Variants in AVEN observed in about 807,000 individuals in gnomAD.
AVEN encodes cell death regulator Aven.
A neutral mutation model predicts 38.1 loss-of-function variants in AVEN; 41 were observed. The observed-to-expected ratio is 1.08, with a 90% CI of 0.84 to 1.40. The LOEUF is 1.40. Among genes scored for constraint, AVEN ranks in the 40% most tolerant of loss-of-function variants. The probability of loss-of-function intolerance (pLI) is 0.00; values close to 1 mark genes in which losing one functional copy is unlikely to be tolerated. For synonymous variants in AVEN, 206 were observed against 171.8 expected, an observed-to-expected ratio of 1.20 and a Z score of -1.56; for missense variants, 605 against 438.8, an observed-to-expected ratio of 1.38 and a Z score of -3.38.
chr15:34,073,792 A>T lies in AVEN; in HGVS notation n.720+644T>A, dbSNP rs148062618. On this transcript the variant is annotated intron_variant and non_coding_transcript_variant, in intron 1 of 11. Transcript: ENST00000675287. ...CGCCTCGGCCTCCCAAAGTGTTGGG[A>T]TTACAGGCGTGAGTCACTGCACCTA... 2.8e-3 allele frequency among the ~76,000 whole-genome samples: 431 copies of T among 151,904 alleles called. 1 individual carries two copies. Among genetic ancestry groups the T allele is most frequent in the African/African-American group, 0.01 (421 of 41,458 alleles).
chr15:34,029,597 C>G (rs1030160104), intron 1 of AVEN, among the ~76,000 whole-genome samples: 2 of 150,552 alleles, frequency 1.3e-5, no homozygotes, highest in Non-Finnish European at 3.0e-5. Context: ...CATAGTACTA[C>G]TGACTTTAAA....
intron 2 of AVEN, among the ~76,000 whole-genome samples, chr15:33,882,091 T>C (rs1352862126): frequency 6.6e-6 from 1 of 152,252 alleles, no homozygotes; most frequent in Non-Finnish European, 1.5e-5. Flanking sequence ...GACAACTGTC[T>C]GACTTACAGA....
At chr15:33,852,865 C>T in the AVEN span, 1 of 571,974 alleles carries the variant, frequency 1.7e-6, no homozygotes, top group African/African-American at 1.9e-5. Context: ...GTAATGAAGC[C>T]ATACATGACT....
chr15:34,007,125 T>A, intron 1 of AVEN: 1 of 843,318 alleles, frequency 1.2e-6, no homozygotes, highest in Non-Finnish European at 1.4e-6. Flanking sequence ...ACCTATTATA[T>A]AATCAAACTA....
intron 1 of AVEN, among the ~76,000 whole-genome samples, chr15:34,026,452 T>C (rs1898476740): frequency 6.6e-6 from 1 of 152,148 alleles, no homozygotes; most frequent in African/African-American, 2.4e-5. Flanking sequence ...AGGGGAGATA[T>C]GTTGAGAAAG....
chr15:33,887,067 G>A (rs1012251412), intron 2 of AVEN, among the ~76,000 whole-genome samples: 1 of 152,200 alleles, frequency 6.6e-6, no homozygotes, highest in Non-Finnish European at 1.5e-5. Flanking sequence ...GAGCTATATT[G>A]TAAGTATAAG....
At chr15:33,877,280 C>T (rs1302376766) in intron 2 of AVEN, among the ~76,000 whole-genome samples, 11 of 152,056 alleles carry the variant, frequency 7.2e-5, no homozygotes, top group Admixed American at 4.6e-4. Flanking sequence ...AAAATATAAA[C>T]TAACACCATG....
In AVEN at chr15:33,905,853, C is replaced by T. The variant is rs146183914; in HGVS notation, c.446-29858G>A. The stretch of plus-strand genomic sequence containing the variant: ...AAAAAAAAAAAAAAAAGGTAAAATT[C>T]ACTCCCAGACACCCACCCAATTCAA... On this transcript the variant is annotated intron_variant, in intron 2 of 5. Transcript: ENST00000306730. Among the ~76,000 whole-genome samples, 151 of 151,138 alleles carry T rather than the reference C, an allele frequency of 1.0e-3. 3 individuals are homozygous for T. In the East Asian group the frequency reaches 0.028, roughly 28 times the overall value.
At chr15:33,922,376 CATT>C (rs772499687) in intron 2 of AVEN, among the ~76,000 whole-genome samples, 4 of 152,132 alleles carry the variant, frequency 2.6e-5, no homozygotes, top group Non-Finnish European at 4.4e-5. Context: ...TATTCCTGAA[CATT>C]ATTAGTAAAC....
downstream of AVEN, chr15:33,861,228 G>C: frequency 7.4e-7 from 1 of 1,344,332 alleles, no homozygotes; most frequent in Non-Finnish European, 1.0e-6. Context: ...CGTAAATAAA[G>C]CCAATTAGGT....
At chr15:34,066,556 G>T (rs1471815308) in intron 3 of AVEN, 1 of 152,200 alleles carries the variant, frequency 6.6e-6, no homozygotes, top group Non-Finnish European at 1.5e-5. Context: ...TGTAATCCCA[G>T]CACTTTGGGA....
chr15:33,907,799 A>C (rs1348478239), intron 2 of AVEN, among the ~76,000 whole-genome samples: 2 of 152,042 alleles, frequency 1.3e-5, no homozygotes, highest in African/African-American at 2.4e-5. Flanking sequence ...AAAAAAAAAA[A>C]AAAAACTATA....
chr15:33,981,079 C>T (rs1343770116), intron 2 of AVEN, among the ~76,000 whole-genome samples: 3 of 54,364 alleles, frequency 5.5e-5, no homozygotes, highest in African/African-American at 8.5e-5. Context: ...CAACTTGATT[C>T]CAAGACTCCC....
intron 5 of AVEN, among the ~76,000 whole-genome samples, chr15:34,058,167 T>C (rs1439755061): frequency 2.0e-5 from 3 of 152,180 alleles, no homozygotes; most frequent in East Asian, 1.9e-4. Flanking sequence ...ACCCACATTA[T>C]GGTGGGTAAT....
At chr15:34,061,477 TA>T (rs1365125652) in intron 5 of AVEN, among the ~76,000 whole-genome samples, 1 of 152,222 alleles carries the variant, frequency 6.6e-6, no homozygotes, top group East Asian at 1.9e-4. Context: ...GGCACCCATT[TA>T]AAATAATTAT....
At chr15:33,979,895 G>T (rs1426379410) in intron 2 of AVEN, among the ~76,000 whole-genome samples, 1 of 152,130 alleles carries the variant, frequency 6.6e-6, no homozygotes, top group Non-Finnish European at 1.5e-5. Flanking sequence ...CAATCCAAGA[G>T]ATTCAAGATT....
intron 2 of AVEN, among the ~76,000 whole-genome samples, chr15:33,976,838 C>T (rs185449870): frequency 3.3e-5 from 5 of 152,232 alleles, no homozygotes; most frequent in African/African-American, 1.2e-4. Flanking sequence ...ACATCCTAGG[C>T]ATAGAAACAT....
chr15:34,000,635 C>G (rs1897102465), intron 2 of AVEN, among the ~76,000 whole-genome samples: 1 of 152,184 alleles, frequency 6.6e-6, no homozygotes, highest in African/African-American at 2.4e-5. Flanking sequence ...ACCTAGAAAA[C>G]ACTGCATACT....
At chr15:33,949,180 C>G (rs917190749) in intron 2 of AVEN, among the ~76,000 whole-genome samples, 1 of 152,014 alleles carries the variant, frequency 6.6e-6, no homozygotes, top group Admixed American at 6.6e-5. Flanking sequence ...CCCGCCACCA[C>G]GCCCGGCTAA....
Sources: allele counts gnomAD v4.1 joint callset (sites outside exome capture counted in the v4.1 genomes callset), GRCh38; gene constraint gnomAD v4.1.1; transcripts MANE v1.5; gene names NCBI Gene and HGNC (gene_info 2026-07-23, HGNC 2026-07-21).